The following CNTLN variants were observed in gnomAD, a reference collection of about 807,000 sequenced individuals.
CNTLN encodes centlein.
A neutral mutation model predicts 180.0 loss-of-function variants in CNTLN; 212 were observed. The ratio of observed to expected loss-of-function variants is 1.18; its 90% confidence interval spans 1.05 to 1.32. The LOEUF is 1.32. CNTLN is among the 40% of genes most tolerant of loss of function. The pLI, the probability that CNTLN is intolerant of heterozygous loss-of-function variation, is 0.00. For synonymous variants in CNTLN, 722 were observed against 563.1 expected (o/e 1.28, Z -3.99); for missense variants, 2,095 against 1,610.9 (o/e 1.30, Z -5.14).
At chr9:17,297,082 C>G (rs1818001746) in intron 6 of CNTLN, among the ~76,000 whole-genome samples, 1 of 152,158 alleles carries the variant, frequency 6.6e-6, no homozygotes. Flanking sequence ...ACGGATTCAA[C>G]CAATCATGAA....
At chr9:17,191,674 C>T (rs1033783354) in intron 2 of CNTLN, among the ~76,000 whole-genome samples, 3 of 151,990 alleles carry the variant, frequency 2.0e-5, no homozygotes, top group African/African-American at 7.3e-5. Flanking sequence ...ATGCTTACAG[C>T]AGAGGCTTCA....
chr9:17,230,608 C>T (rs1369514957), intron 3 of CNTLN, among the ~76,000 whole-genome samples: 1 of 151,752 alleles, frequency 6.6e-6, no homozygotes, highest in Non-Finnish European at 1.5e-5. Context: ...AGGTAAAACC[C>T]CATGAGTCTG....
chr9:17,178,593 C>T (rs1000551945), intron 2 of CNTLN, among the ~76,000 whole-genome samples: 24 of 152,072 alleles, frequency 1.6e-4, no homozygotes, highest in South Asian at 4.2e-4. Context: ...AGCTAAGGCC[C>T]GGTGAGAAAT....
intron 2 of CNTLN, among the ~76,000 whole-genome samples, chr9:17,146,255 G>A (rs1175974884): frequency 6.6e-6 from 1 of 152,032 alleles, no homozygotes; most frequent in Non-Finnish European, 1.5e-5. Flanking sequence ...TTAGAGGTTG[G>A]ATCTTATGGA....
chr9:17,214,805 A>C (rs1823612096), intron 2 of CNTLN, among the ~76,000 whole-genome samples: 1 of 151,956 alleles, frequency 6.6e-6, no homozygotes, highest in South Asian at 2.1e-4. Flanking sequence ...CATTCATTTG[A>C]TCTTCAATCA....
At chr9:17,379,856 G>T (rs185122214) in intron 13 of CNTLN, among the ~76,000 whole-genome samples, 5 of 152,212 alleles carry the variant, frequency 3.3e-5, no homozygotes, top group Admixed American at 3.3e-4. Flanking sequence ...AATGAATTCA[G>T]TCTCCTCTAG....
intron 18 of CNTLN, among the ~76,000 whole-genome samples, chr9:17,435,312 C>T (rs986790139): frequency 1.3e-5 from 2 of 152,076 alleles, no homozygotes; most frequent in Non-Finnish European, 2.9e-5. Context: ...CTACAAAGCC[C>T]TTACTGTTCC....
At chr9:17,506,830 T>C (rs984644095), downstream of CNTLN, among the ~76,000 whole-genome samples, 1 of 152,138 alleles carries the variant, frequency 6.6e-6, no homozygotes, top group Non-Finnish European at 1.5e-5. Context: ...TTGCTATTTT[T>C]TTCCTCTTAA....
At chr9:17,456,198 T>G (rs1262899091) in intron 18 of CNTLN, among the ~76,000 whole-genome samples, 1 of 152,158 alleles carries the variant, frequency 6.6e-6, no homozygotes, top group Non-Finnish European at 1.5e-5. Flanking sequence ...AGGTTGAATA[T>G]TAGCCAGGAA....
chr9:17,151,493 C>G lies in CNTLN; in HGVS notation c.449+8117C>G, dbSNP rs1382271935. Among the ~76,000 whole-genome samples the G allele has an allele frequency of 4.6e-5, 7 of 151,972 alleles. No homozygotes were observed. In the East Asian group the frequency reaches 1.4e-3, roughly 29 times the overall value. On this transcript the variant is annotated intron_variant, in intron 2 of 25. Transcript: ENST00000380647. ...ATTTGCATATGTTGAACCAGCCTTG[C>G]ATCCCAGGGATGAAGCCAACTTCAT...
intron 6 of CNTLN, among the ~76,000 whole-genome samples, chr9:17,297,214 T>C (rs1454611101): frequency 1.3e-5 from 2 of 152,148 alleles, no homozygotes; most frequent in Non-Finnish European, 2.9e-5. Flanking sequence ...ATGTACTTTG[T>C]ATTAGGTATT....
chr9:17,334,726 T>C (rs543202625), intron 10 of CNTLN, among the ~76,000 whole-genome samples: 1 of 151,966 alleles, frequency 6.6e-6, no homozygotes, highest in South Asian at 2.1e-4. Context: ...TGAGTACACA[T>C]GGACATAAAG....
intron 2 of CNTLN, among the ~76,000 whole-genome samples, chr9:17,208,744 G>A (rs192788015): frequency 1.3e-5 from 2 of 151,958 alleles, no homozygotes; most frequent in Non-Finnish European, 2.9e-5. Flanking sequence ...CCAATTTATC[G>A]GCGTATAGTT....
chr9:17,411,953 C>A (rs367690258), intron 16 of CNTLN, among the ~76,000 whole-genome samples: 8 of 152,114 alleles, frequency 5.3e-5, no homozygotes, highest in African/African-American at 1.9e-4. Context: ...CCCTTCTGAG[C>A]AAGATAATTT....
chr9:17,235,772 G>C lies in CNTLN; in HGVS notation c.649G>C (p.Asp217His), dbSNP rs200513513. The change falls in exon 4 of 26, where the codon GAT (aspartate) becomes CAT (histidine). Residue 217 changes from aspartate to histidine, a missense_variant. Physicochemically the swap from Asp to His is moderately conservative, Grantham distance 81. Transcript: ENST00000380647. ...CAGTGACTTGGAGAAGAAATTTAAA[G>C]ATAAAAGTCAAGAAATTAAGGTGTG... ...EFSDLEKKFK[D>H]KSQEIKDTKE... 4.3e-4 allele frequency: 686 copies of C among 1,604,950 alleles called. No individual in the cohort carries two copies. The highest frequency in any genetic ancestry group is 5.6e-4 in the Non-Finnish European group (658 of 1,177,506).
intron 7 of CNTLN, among the ~76,000 whole-genome samples, chr9:17,307,942 A>C (rs1163166224): frequency 6.8e-6 from 1 of 147,486 alleles, no homozygotes; most frequent in African/African-American, 2.5e-5. Flanking sequence ...TTTTGCTCTT[A>C]TTGTAAGATT....
rs10963054 is a variant in CNTLN at position 17,347,038 on chromosome 9, T to C, written c.1886+4594T>C. On this transcript the variant is annotated intron_variant, in intron 12 of 25. Transcript: ENST00000380647. ...AAGTTTTTAATTTTGGCTATTGTAA[T>C]TTTTAGTTCTAAAATTTCCATTGGG... Among the ~76,000 whole-genome samples, 1,090 of 152,340 alleles carry C rather than the reference T, an allele frequency of 7.2e-3. 26 individuals carry two copies. The highest frequency in any genetic ancestry group is 0.05 in the East Asian group (259 of 5,184).
At chr9:17,158,703 A>G (rs367571060) in intron 2 of CNTLN, among the ~76,000 whole-genome samples, 2 of 151,856 alleles carry the variant, frequency 1.3e-5, no homozygotes, top group African/African-American at 4.8e-5. Flanking sequence ...TTTTTTAAAG[A>G]TTGGTAATAT....
In CNTLN at chr9:17,484,475, C is replaced by A; in HGVS notation, c.4036C>A (p.Gln1346Lys). The change falls in exon 24 of 26, where the codon CAA becomes AAA. Residue 1346 changes from glutamine (Q) to lysine (K), a missense_variant. Transcript: ENST00000380647. ...AGAGGAAATATTAGACACAGAAGATCAAGTGGTAAGATCATTTAAATATTT... is the reference window on the plus strand; with the variant it reads ...AGAGGAAATATTAGACACAGAAGATAAAGTGGTAAGATCATTTAAATATTT... ...DLEEILDTED[Q>K]VEIEKTKIDA... 6.3e-7 allele frequency: 1 copy of A among 1,592,622 alleles called. No homozygotes were observed. The highest frequency in any genetic ancestry group is 2.2e-5 in the East Asian group (1 of 44,656).
Sources: gnomAD v4.1 joint callset for allele counts (sites outside exome capture counted in the v4.1 genomes callset) on GRCh38, gnomAD v4.1.1 for gene constraint, MANE v1.5 for transcripts, NCBI Gene and HGNC (gene_info 2026-07-23, HGNC 2026-07-21) for gene names.